FUT8: variants seen among roughly 807,000 people sequenced by gnomAD.
FUT8 encodes the protein fucosyltransferase 8, also known as alpha-(1,6)-fucosyltransferase.
Under a neutral mutation model 71.3 loss-of-function variants are expected in FUT8, and 29 were observed. The observed-to-expected ratio is 0.41, with a 90% confidence interval of 0.30 to 0.55. The LOEUF is 0.55. FUT8 is among the 20% of genes least tolerant of loss of function. The probability of loss-of-function intolerance (pLI) is 0.34; values close to 1 mark genes in which losing one functional copy is unlikely to be tolerated. For synonymous variants in FUT8, 254 were observed against 239.3 expected (o/e 1.06, Z -0.57); for missense variants, 544 against 702.1 (o/e 0.77, Z 2.55).
chr14:65,691,892 A>G (rs1893621443), intron 7 of FUT8, among the ~76,000 whole-genome samples: 1 of 152,254 alleles, frequency 6.6e-6, no homozygotes, highest in African/African-American at 2.4e-5. Flanking sequence ...GACACAGCTC[A>G]TGTTTCAGAG....
intron 6 of FUT8, among the ~76,000 whole-genome samples, chr14:65,662,617 T>G (rs1892023370): frequency 6.6e-6 from 1 of 152,198 alleles, no homozygotes; most frequent in African/African-American, 2.4e-5. Context: ...ACTGGATTTA[T>G]TCAGTGTGAA....
chr14:65,553,249 A>G (rs1181531775), intron 2 of FUT8, among the ~76,000 whole-genome samples: 5 of 152,156 alleles, frequency 3.3e-5, no homozygotes, highest in African/African-American at 1.2e-4. Flanking sequence ...ATATATGTAT[A>G]TGTATATATA....
At chr14:65,642,256 C>T (rs1890875989) in intron 6 of FUT8, among the ~76,000 whole-genome samples, 1 of 152,098 alleles carries the variant, frequency 6.6e-6, no homozygotes, top group African/African-American at 2.4e-5. Context: ...GGTCTAGAAT[C>T]ATTTTTTCAA....
intron 6 of FUT8, among the ~76,000 whole-genome samples, chr14:65,636,933 A>C (rs1890587139): frequency 6.6e-6 from 1 of 152,210 alleles, no homozygotes; most frequent in Non-Finnish European, 1.5e-5. Flanking sequence ...CGGATTGAAG[A>C]CAACCCTAAT....
chr14:65,591,437 G>T (rs916855265), intron 3 of FUT8, among the ~76,000 whole-genome samples: 1 of 152,116 alleles, frequency 6.6e-6, no homozygotes, highest in Non-Finnish European at 1.5e-5. Flanking sequence ...TTACACATCA[G>T]CCAGGCAGCA....
chr14:65,388,068 C>A, the FUT8 span, among the ~76,000 whole-genome samples: 1 of 152,146 alleles, frequency 6.6e-6, no homozygotes, highest in Non-Finnish European at 1.5e-5. Flanking sequence ...CTCTTAAATT[C>A]TGTGATTTTA....
chr14:65,692,360 G>A (rs1893671412), intron 7 of FUT8, among the ~76,000 whole-genome samples: 1 of 144,880 alleles, frequency 6.9e-6, no homozygotes, highest in African/African-American at 2.6e-5. Context: ...GCGGGGGGCT[G>A]ACCCCCCCAC....
At chr14:65,425,176 T>C (rs1392654887) in intron 1 of FUT8, among the ~76,000 whole-genome samples, 1 of 152,022 alleles carries the variant, frequency 6.6e-6, no homozygotes, top group African/African-American at 2.4e-5. Flanking sequence ...TTTCTTTTTT[T>C]TTTTTTGAGA....
At chr14:65,691,498 T>G (rs1239801851) in intron 7 of FUT8, among the ~76,000 whole-genome samples, 2 of 152,144 alleles carry the variant, frequency 1.3e-5, no homozygotes, top group Admixed American at 1.3e-4. Flanking sequence ...ATTTATCTCC[T>G]TTAGCCTGTT....
chr14:65,577,141 C>T (rs1399778886), intron 3 of FUT8, among the ~76,000 whole-genome samples: 5 of 152,044 alleles, frequency 3.3e-5, no homozygotes, highest in Non-Finnish European at 5.9e-5. Context: ...TGAGCCATTG[C>T]GCCTGGTCTT....
intron 3 of FUT8, among the ~76,000 whole-genome samples, chr14:65,613,553 G>C (rs61987995): frequency 0.058 from 8,891 of 152,214 alleles, 314 homozygotes; most frequent in Admixed American, 0.11. Flanking sequence ...TACAAATGAA[G>C]GCTTTTTCAT....
intron 2 of FUT8, among the ~76,000 whole-genome samples, chr14:65,501,916 CT>C (rs1222870459): frequency 1.3e-3 from 184 of 142,844 alleles, no homozygotes; most frequent in Middle Eastern, 3.6e-3. Flanking sequence ...TCTTTTCTTT[CT>C]TTTTTTTTTT....
Position 65,419,341 on chromosome 14 carries a change from A to G in FUT8, c.-326+6127A>G, listed in dbSNP as rs147869122. ...TTACTGTAATGTAAAAAAAAAAACT[A>G]TGTTCATTGAAGAGAACTAACATAT... On this transcript the variant is annotated intron_variant, in intron 1 of 10. Transcript: ENST00000673929. Among the ~76,000 whole-genome samples, 56 of 152,320 alleles carry G rather than the reference A, an allele frequency of 3.7e-4. No homozygotes were observed. The East Asian group carries it at 7.9e-3, about 21-fold the overall frequency.
At chr14:65,568,486 T>C (rs1452559361) in intron 3 of FUT8, among the ~76,000 whole-genome samples, 4 of 151,768 alleles carry the variant, frequency 2.6e-5, no homozygotes, top group Non-Finnish European at 4.4e-5. Flanking sequence ...ATTTTTGTCA[T>C]TAATTTAAAA....
At chr14:65,486,081 T>C (rs939279255) in intron 2 of FUT8, among the ~76,000 whole-genome samples, 2 of 152,212 alleles carry the variant, frequency 1.3e-5, no homozygotes, top group African/African-American at 4.8e-5. Context: ...AAACTTTTTT[T>C]CCCATTATTT....
intron 2 of FUT8, among the ~76,000 whole-genome samples, chr14:65,487,582 A>AAC (rs1566779603): frequency 2.0e-5 from 3 of 151,686 alleles, no homozygotes; most frequent in Non-Finnish European, 4.4e-5. Context: ...AAAAAAAAAA[A>AAC]AAACTCAGTT....
intron 2 of FUT8, among the ~76,000 whole-genome samples, chr14:65,535,684 A>T (rs959819718): frequency 6.6e-6 from 1 of 152,066 alleles, no homozygotes; most frequent in African/African-American, 2.4e-5. Flanking sequence ...TTTGCTGAGA[A>T]TTGTTTTTTG....
chr14:65,431,115 C>G (rs905339336), intron 1 of FUT8, among the ~76,000 whole-genome samples: 1 of 150,950 alleles, frequency 6.6e-6, no homozygotes, highest in African/African-American at 2.4e-5. Context: ...CCTGCCTCAG[C>G]CTCCGGAGTA....
intron 1 of FUT8, among the ~76,000 whole-genome samples, chr14:65,436,436 C>T (rs1007077440): frequency 1.3e-5 from 2 of 151,982 alleles, no homozygotes; most frequent in Admixed American, 1.3e-4. Context: ...CGAGACCATC[C>T]TGGCTAACAT....
Sources: gnomAD v4.1 joint callset for allele counts (sites outside exome capture counted in the v4.1 genomes callset) on GRCh38, gnomAD v4.1.1 for gene constraint, MANE v1.5 for transcripts, NCBI Gene and HGNC (gene_info 2026-07-23, HGNC 2026-07-21) for gene names.